The following THRB variants were observed in gnomAD, a reference collection of about 807,000 sequenced individuals.
The protein encoded by THRB is thyroid hormone receptor beta.
Under a neutral mutation model 47.8 loss-of-function variants are expected in THRB, and 12 were observed. The ratio of observed to expected loss-of-function variants is 0.25; its 90% confidence interval spans 0.16 to 0.41. The LOEUF is 0.41. Among genes scored for constraint, THRB ranks in the 10% least tolerant of loss-of-function variants. The pLI, the probability that THRB is intolerant of heterozygous loss-of-function variation, is 1.00. For missense variants in THRB, 348 were observed against 589.2 expected (o/e 0.59, Z 4.24); for synonymous variants, 218 against 212.2 (o/e 1.03, Z -0.24).
intron 1 of THRB, chr3:24,494,411 C>T (rs541083582): frequency 6.6e-6 from 1 of 152,392 alleles, no homozygotes; most frequent in Non-Finnish European, 1.5e-5. Context: ...CTCCGTAGCT[C>T]CCAGCCTGCC....
At chr3:24,275,840 C>G (rs1285896956) in intron 3 of THRB, among the ~76,000 whole-genome samples, 1 of 152,154 alleles carries the variant, frequency 6.6e-6, no homozygotes, top group Non-Finnish European at 1.5e-5. Context: ...CTTTGAGATT[C>G]TGATTCTACA....
rs77235028 is a variant in THRB at position 24,482,508 on chromosome 3, A to G, written c.-261+12144T>C. ...GATTCATTCATTCATTCATTCATTC[A>G]TTCGTTCTTTCTTTCTTTCTTTCTG... On this transcript the variant is annotated intron_variant, in intron 1 of 10. Coordinates refer to ENST00000646209, the MANE Select transcript of THRB (RefSeq NM_001354712.2). Among the ~76,000 whole-genome samples, 300 of 143,516 alleles carry G rather than the reference A, an allele frequency of 2.1e-3. 3 individuals carry two copies. In the South Asian group the frequency reaches 0.032, roughly 15 times the overall value. 94.2% of individuals were successfully genotyped at this position (143,516 alleles called of 152,430 possible).
intron 5 of THRB, among the ~76,000 whole-genome samples, chr3:24,164,596 A>G (rs1398738270): frequency 6.6e-6 from 1 of 152,232 alleles, no homozygotes; most frequent in African/African-American, 2.4e-5. Flanking sequence ...CTAGTTAACT[A>G]GTCAACTAAA....
At chr3:24,394,828 TC>T (rs1326975134) in intron 1 of THRB, among the ~76,000 whole-genome samples, 1 of 152,016 alleles carries the variant, frequency 6.6e-6, no homozygotes, top group Non-Finnish European at 1.5e-5. Context: ...TTCCTAAGTG[TC>T]CCCCTGCAAG....
intron 1 of THRB, among the ~76,000 whole-genome samples, chr3:24,359,759 G>T (rs1354599): frequency 6.6e-6 from 1 of 152,026 alleles, no homozygotes; most frequent in African/African-American, 2.4e-5. Flanking sequence ...GCCCATGTGC[G>T]TGGGGACAGC....
chr3:24,455,051 G>A (rs1469275840), intron 1 of THRB: 1 of 148,166 alleles, frequency 6.7e-6, no homozygotes, highest in Non-Finnish European at 1.5e-5. Context: ...CATTCCCTCA[G>A]TAGCCCTTGA....
At chr3:24,488,288 T>G (rs1697607236) in intron 1 of THRB, among the ~76,000 whole-genome samples, 1 of 152,226 alleles carries the variant, frequency 6.6e-6, no homozygotes, top group South Asian at 2.1e-4. Context: ...AAGTAGGAAG[T>G]TGAATGAGCA....
rs369518081 is a variant in THRB, at chr3:24,489,052, G to A, written c.-261+5600C>T. Among the ~76,000 whole-genome samples, 5 of 151,958 alleles carry A rather than the reference G, an allele frequency of 3.3e-5. 1 individual carries two copies. In the East Asian group the frequency reaches 5.8e-4, roughly 18 times the overall value. ...GGGCAGATCACGAGGTCAGGAGATC[G>A]AGACCATCCTGGCCAACATGGTGAA... On this transcript the variant is annotated intron_variant, in intron 1 of 10. Transcript: ENST00000646209.
chr3:24,290,610 C>T (rs909116291), intron 3 of THRB, among the ~76,000 whole-genome samples: 1 of 152,154 alleles, frequency 6.6e-6, no homozygotes, highest in Non-Finnish European at 1.5e-5. Flanking sequence ...AGACACGATG[C>T]ACAATCAAGT....
At chr3:24,448,294 A>C (rs1577646215) in intron 1 of THRB, among the ~76,000 whole-genome samples, 1 of 152,318 alleles carries the variant, frequency 6.6e-6, no homozygotes, top group East Asian at 1.9e-4. Context: ...ATAGAAACGC[A>C]ATTCAGGGAT....
chr3:24,203,682 T>A (rs1369758932), intron 4 of THRB, among the ~76,000 whole-genome samples: 2 of 152,144 alleles, frequency 1.3e-5, no homozygotes, highest in Non-Finnish European at 2.9e-5. Flanking sequence ...TGCAGCCCAC[T>A]GAGTGTGAGC....
intron 10 of THRB, 95 bp from the exon 11 acceptor site, chr3:24,123,220 T>C: frequency 1.3e-6 from 2 of 1,561,568 alleles, no homozygotes; most frequent in South Asian, 1.1e-5. Flanking sequence ...GGCGGGCAGA[T>C]CTAGGGTCTT....
chr3:24,148,310 A>G (rs2036405436), intron 6 of THRB, among the ~76,000 whole-genome samples: 1 of 152,130 alleles, frequency 6.6e-6, no homozygotes, highest in South Asian at 2.1e-4. Context: ...TATTTTTAGT[A>G]GAGACGGGGT....
intron 3 of THRB, among the ~76,000 whole-genome samples, chr3:24,269,277 CCACACACACACACACACACACA>C (rs4024153): frequency 0.2 from 27,540 of 140,728 alleles, 2,579 homozygotes; most frequent in South Asian, 0.3. Context: ...AATGGATACA[CCACACACACACACACACACACA>C]CACACACACA....
chr3:24,495,125 T>G (rs1698846800), upstream of THRB: 1 of 151,694 alleles, frequency 6.6e-6, no homozygotes, highest in Non-Finnish European at 1.5e-5. Flanking sequence ...TCCCGGGCGC[T>G]GTCTTACTCC....
intron 1 of THRB, among the ~76,000 whole-genome samples, chr3:24,443,378 A>T (rs1251044659): frequency 2.0e-5 from 3 of 152,230 alleles, no homozygotes; most frequent in African/African-American, 7.2e-5. Flanking sequence ...ATCCCGATAC[A>T]GAGAATTTCA....
intron 5 of THRB, among the ~76,000 whole-genome samples, chr3:24,178,609 T>C: frequency 6.6e-6 from 1 of 152,174 alleles, no homozygotes; most frequent in African/African-American, 2.4e-5. Flanking sequence ...AGAAAAACTG[T>C]GAAACGGTTC....
intron 3 of THRB, among the ~76,000 whole-genome samples, chr3:24,293,104 A>T (rs554264464): frequency 6.6e-6 from 1 of 152,336 alleles, no homozygotes; most frequent in Non-Finnish European, 1.5e-5. Flanking sequence ...AGCTGGTTTT[A>T]CCCAAAATTA....
chr3:24,476,198 G>C (rs934719779), intron 1 of THRB, among the ~76,000 whole-genome samples: 1 of 152,188 alleles, frequency 6.6e-6, no homozygotes, highest in African/African-American at 2.4e-5. Flanking sequence ...CCATGGACTG[G>C]TTCTTTCCCA....
Sources: gnomAD v4.1 joint callset for allele counts (sites outside exome capture counted in the v4.1 genomes callset) on GRCh38, gnomAD v4.1.1 for gene constraint, MANE v1.5 for transcripts, NCBI Gene and HGNC (gene_info 2026-07-23, HGNC 2026-07-21) for gene names.